The following EPHA5 variants were observed in gnomAD, a reference collection of about 807,000 sequenced individuals.
The protein encoded by EPHA5 is ephrin type-A receptor 5.
EPHA5 carries 60 observed loss-of-function variants against 105.0 expected under a neutral mutation model. That is an observed-to-expected ratio of 0.57 (90% CI 0.46 to 0.71). The LOEUF (loss-of-function observed/expected upper bound fraction) is 0.71. Ranked by LOEUF, EPHA5 falls within the 30% of genes least tolerant of loss-of-function variation. The pLI is 0.00. For synonymous variants in EPHA5, 513 were observed against 449.1 expected, an observed-to-expected ratio of 1.14 and a Z score of -1.80; for missense variants, 1,218 against 1,274.7, an observed-to-expected ratio of 0.96 and a Z score of 0.68.
Position 65,611,847 on chromosome 4 carries a change from A to G in EPHA5, c.247-9543T>C, listed in dbSNP as rs145442911. Among the ~76,000 whole-genome samples, 448 of 151,966 alleles carry G rather than the reference A, an allele frequency of 2.9e-3. 2 individuals are homozygous for G. The highest frequency in any genetic ancestry group is 4.6e-3 in the Non-Finnish European group (312 of 67,950). On this transcript the variant is annotated intron_variant, in intron 2 of 16. Transcript: ENST00000613740. ...CTCAAATGTAAGTGGCTATATTGCCATAATACATAATAAAGTGCACTCCAG... is the reference window on the plus strand; with the variant it reads ...CTCAAATGTAAGTGGCTATATTGCCGTAATACATAATAAAGTGCACTCCAG...
intron 5 of EPHA5, among the ~76,000 whole-genome samples, chr4:65,422,951 T>C (rs570471272): frequency 6.6e-6 from 1 of 152,188 alleles, no homozygotes; most frequent in East Asian, 1.9e-4. Context: ...TCAATTAAAG[T>C]CCACAGTTTA....
intron 5 of EPHA5, among the ~76,000 whole-genome samples, chr4:65,487,147 T>G (rs997715722): frequency 6.6e-6 from 1 of 152,336 alleles, no homozygotes; most frequent in Non-Finnish European, 1.5e-5. Flanking sequence ...TAAACCTCTT[T>G]TCTTTATAAA....
chr4:65,523,946 G>T (rs1418547913), intron 3 of EPHA5, among the ~76,000 whole-genome samples: 1 of 151,816 alleles, frequency 6.6e-6, no homozygotes, highest in Non-Finnish European at 1.5e-5. Flanking sequence ...CTCTTTGAAA[G>T]CTTAGATGTA....
At chr4:65,581,493 T>G (rs1741622182) in intron 3 of EPHA5, among the ~76,000 whole-genome samples, 1 of 151,762 alleles carries the variant, frequency 6.6e-6, no homozygotes, top group South Asian at 2.1e-4. Flanking sequence ...ATTGGTCTAT[T>G]TCTGGCAGAG....
At position 65,322,306 on chromosome 4, in the gene EPHA5, C is replaced by T. The variant is rs886732545; in HGVS notation, c.*1808G>A. The T allele has an allele frequency of 4.5e-6, 1 of 223,336 alleles. No individual in the cohort carries two copies. Among genetic ancestry groups the T allele is most frequent in the Non-Finnish European group, 8.9e-6 (1 of 111,876 alleles). 13.8% of individuals were successfully genotyped at this position (223,336 alleles called of 1,614,324 possible). Reference sequence around the variant, plus strand: ...GGGCAGAATAGGAAGTAGTTATTTCCCAAAAGTTTATTCTTATATGTGCTA... The same window carrying T: ...GGGCAGAATAGGAAGTAGTTATTTCTCAAAAGTTTATTCTTATATGTGCTA... On this transcript the variant is annotated 3_prime_UTR_variant, in exon 17 of 17. Coordinates refer to ENST00000613740, the MANE Select transcript of EPHA5 (RefSeq NM_001281766.3).
chr4:65,472,708 A>G (rs1365278956), intron 5 of EPHA5, among the ~76,000 whole-genome samples: 1 of 152,176 alleles, frequency 6.6e-6, no homozygotes, highest in Non-Finnish European at 1.5e-5. Context: ...CCACAGTTGC[A>G]CAGAGCAGGG....
chr4:65,327,033 TCTTAA>T (rs1377127589), intron 16 of EPHA5, among the ~76,000 whole-genome samples: 3 of 151,244 alleles, frequency 2.0e-5, no homozygotes, highest in Non-Finnish European at 4.4e-5. Context: ...ATTTCTACTG[TCTTAA>T]CTTGTTATAT....
chr4:65,373,600 T>C (rs1443456930), intron 8 of EPHA5, among the ~76,000 whole-genome samples: 2 of 151,952 alleles, frequency 1.3e-5, no homozygotes, highest in African/African-American at 4.8e-5. Flanking sequence ...ATTTGTTTTG[T>C]TCGGATTTTG....
intron 5 of EPHA5, among the ~76,000 whole-genome samples, chr4:65,434,113 C>T (rs1464499162): frequency 6.6e-6 from 1 of 152,060 alleles, no homozygotes; most frequent in African/African-American, 2.4e-5. Flanking sequence ...TCAGTAGTCA[C>T]ATCTCCTTTT....
chr4:65,578,476 A>T (rs1407162432), intron 3 of EPHA5, among the ~76,000 whole-genome samples: 11 of 152,164 alleles, frequency 7.2e-5, no homozygotes, highest in African/African-American at 2.7e-4. Flanking sequence ...GGGCACACAC[A>T]CAGACAAATG....
intron 8 of EPHA5, among the ~76,000 whole-genome samples, chr4:65,386,243 T>C (rs1214181119): frequency 6.6e-6 from 1 of 151,900 alleles, no homozygotes; most frequent in Admixed American, 6.6e-5. Flanking sequence ...AGCTAATGAC[T>C]GTACTTTTTG....
intron 2 of EPHA5, among the ~76,000 whole-genome samples, chr4:65,607,307 A>G (rs559416293): frequency 6.6e-6 from 1 of 152,238 alleles, no homozygotes; most frequent in South Asian, 2.1e-4. Context: ...ATCAATGGCA[A>G]CAAAAGCCCC....
chr4:65,360,012 C>T lies in EPHA5; in HGVS notation c.2173+5005G>A, dbSNP rs115016100. 1.6e-3 allele frequency among the ~76,000 whole-genome samples: 247 copies of T among 151,708 alleles called. 2 individuals carry two copies. The highest frequency in any genetic ancestry group is 5.7e-3 in the African/African-American group (237 of 41,464). On this transcript the variant is annotated intron_variant, in intron 11 of 16. Coordinates refer to ENST00000613740, the MANE Select transcript of EPHA5 (RefSeq NM_001281766.3). ...CGCCAATGGCCTTCTTGCTGTTTCT[C>T]GAACCTTCCAGGCAAGTTCCCTTAG...
At chr4:65,403,183 A>C (rs932907909) in intron 8 of EPHA5, among the ~76,000 whole-genome samples, 2 of 152,248 alleles carry the variant, frequency 1.3e-5, no homozygotes, top group Non-Finnish European at 2.9e-5. Flanking sequence ...ATAATTTGCA[A>C]TATTTTATAA....
At chr4:65,343,856 GT>G (rs10601380) in intron 14 of EPHA5, among the ~76,000 whole-genome samples, 79,182 of 150,844 alleles carry the variant, frequency 0.52, 21,153 homozygotes, top group African/African-American at 0.61. Context: ...AAATATTAGT[GT>G]TTTTTTTTTC....
Position 65,590,732 on chromosome 4 carries a change from T to C in EPHA5, c.910+10909A>G, listed in dbSNP as rs192531634. ...CAACCCTTGAAAGTGGGTAAGTAGATTCCTCAAGGTTAACCCATCCATGGG... is the reference window on the plus strand; with the variant it reads ...CAACCCTTGAAAGTGGGTAAGTAGACTCCTCAAGGTTAACCCATCCATGGG... On this transcript the variant is annotated intron_variant, in intron 3 of 16. Coordinates refer to ENST00000613740, the MANE Select transcript of EPHA5 (RefSeq NM_001281766.3). 1.2e-3 allele frequency among the ~76,000 whole-genome samples: 185 copies of C among 152,264 alleles called. 1 individual carries two copies. The highest frequency in any genetic ancestry group is 4.1e-3 in the African/African-American group (171 of 41,572).
At chr4:65,441,722 G>C (rs770473688) in intron 5 of EPHA5, among the ~76,000 whole-genome samples, 1 of 152,014 alleles carries the variant, frequency 6.6e-6, no homozygotes, top group African/African-American at 2.4e-5. Flanking sequence ...CACTGACTCT[G>C]TAAAACATAT....
At chr4:65,510,086 G>A (rs969884223) in intron 3 of EPHA5, among the ~76,000 whole-genome samples, 1 of 147,086 alleles carries the variant, frequency 6.8e-6, no homozygotes, top group Non-Finnish European at 1.5e-5. Flanking sequence ...CCAGGTTGGA[G>A]TGCAATGGCG....
At chr4:65,542,740 A>T (rs1736966209) in intron 3 of EPHA5, among the ~76,000 whole-genome samples, 1 of 145,488 alleles carries the variant, frequency 6.9e-6, no homozygotes, top group African/African-American at 2.6e-5. Flanking sequence ...CATCATCTTG[A>T]TACCAAAACC....
Sources: gnomAD v4.1 joint callset for allele counts (sites outside exome capture counted in the v4.1 genomes callset) on GRCh38, gnomAD v4.1.1 for gene constraint, MANE v1.5 for transcripts, NCBI Gene and HGNC (gene_info 2026-07-23, HGNC 2026-07-21) for gene names.